ANXA8: variants seen among roughly 807,000 people sequenced by gnomAD.
ANXA8 encodes VAC-beta.
ANXA8 carries 9 observed loss-of-function variants against 26.8 expected under a neutral mutation model. The ratio of observed to expected loss-of-function variants is 0.34; its 90% CI spans 0.20 to 0.59. ANXA8 has a LOEUF of 0.59. Among genes scored for constraint, ANXA8 ranks in the 20% least tolerant of loss-of-function variants. The pLI is 0.84. For synonymous variants in ANXA8, 39 were observed against 94.8 expected, an observed-to-expected ratio of 0.41 and a Z score of 3.42; for missense variants, 83 against 238.5, an observed-to-expected ratio of 0.35 and a Z score of 4.29.
the ANXA8 span, among the ~76,000 whole-genome samples, chr10:47,954,731 T>A: frequency 1.3e-5 from 2 of 150,830 alleles, no homozygotes; most frequent in African/African-American, 4.9e-5. Flanking sequence ...CTCCTAGGTA[T>A]TTATTTATTC....
the ANXA8 span, among the ~76,000 whole-genome samples, chr10:47,685,362 GA>G: frequency 7.3e-6 from 1 of 136,150 alleles, no homozygotes; most frequent in South Asian, 2.3e-4. Context: ...AAAAAAAAAA[GA>G]AAAAGAAAAA....
the ANXA8 span, among the ~76,000 whole-genome samples, chr10:47,664,612 A>G: frequency 1.3e-5 from 2 of 151,106 alleles, no homozygotes; most frequent in African/African-American, 2.4e-5. Flanking sequence ...AATTTTTGCA[A>G]TTTTTTTGGT....
At chr10:47,525,224 A>G in the ANXA8 span, among the ~76,000 whole-genome samples, 1 of 108,660 alleles carries the variant, frequency 9.2e-6, no homozygotes, top group Non-Finnish European at 1.8e-5. Flanking sequence ...TAGCTAATGT[A>G]GTGAAATCCT....
chr10:47,571,553 AAATTTC>A, the ANXA8 span, among the ~76,000 whole-genome samples: 3 of 149,284 alleles, frequency 2.0e-5, no homozygotes, highest in Admixed American at 1.3e-4. Context: ...ATCAGCTTGT[AAATTTC>A]TACAAAACAA....
At chr10:47,960,591 A>G in the ANXA8 span, among the ~76,000 whole-genome samples, 1 of 149,740 alleles carries the variant, frequency 6.7e-6, no homozygotes, top group Non-Finnish European at 1.5e-5. Flanking sequence ...TTTTACGTAA[A>G]TTTTTACTGA....
the ANXA8 span, among the ~76,000 whole-genome samples, chr10:47,651,552 A>G: frequency 1.2e-3 from 188 of 150,630 alleles, 1 homozygote; most frequent in Admixed American, 2.6e-3. Context: ...TCATAATTGT[A>G]AAAGAGTGGG....
chr10:47,709,492 C>G, the ANXA8 span, among the ~76,000 whole-genome samples: 19 of 150,170 alleles, frequency 1.3e-4, no homozygotes, highest in Non-Finnish European at 2.5e-4. Flanking sequence ...GAAACTATAC[C>G]TTAATAAAAA....
At chr10:47,596,967 C>T in the ANXA8 span, among the ~76,000 whole-genome samples, 8 of 148,290 alleles carry the variant, frequency 5.4e-5, no homozygotes, top group Non-Finnish European at 1.2e-4. Context: ...AAACAAAACC[C>T]TAGGCCAATA....
chr10:47,706,036 C>A, the ANXA8 span, among the ~76,000 whole-genome samples: 1 of 152,086 alleles, frequency 6.6e-6, no homozygotes, highest in Admixed American at 6.5e-5. Context: ...GCGGTCGGTT[C>A]CGGGCGGTTG....
At chr10:47,554,463 G>T in the ANXA8 span, among the ~76,000 whole-genome samples, 6,876 of 150,646 alleles carry the variant, frequency 0.046, 216 homozygotes, top group East Asian at 0.17. Flanking sequence ...GTAGCATCTT[G>T]CCATTTTCTT....
At chr10:47,974,776 A>C in the ANXA8 span, among the ~76,000 whole-genome samples, 1 of 148,946 alleles carries the variant, frequency 6.7e-6, no homozygotes, top group Non-Finnish European at 1.5e-5. Context: ...GTATAATTTC[A>C]ATTTTTTAAA....
the ANXA8 span, among the ~76,000 whole-genome samples, chr10:47,673,468 T>C: frequency 6.7e-6 from 1 of 149,296 alleles, no homozygotes; most frequent in Admixed American, 6.7e-5. Flanking sequence ...GAAACTGCTC[T>C]AATTCATTTC....
the ANXA8 span, among the ~76,000 whole-genome samples, chr10:47,675,396 A>ATACT: frequency 6.6e-6 from 1 of 151,546 alleles, no homozygotes; most frequent in Non-Finnish European, 1.5e-5. Context: ...GTATACATGT[A>ATACT]AGGTACTCCC....
At chr10:47,631,486 G>C in the ANXA8 span, among the ~76,000 whole-genome samples, 1 of 150,554 alleles carries the variant, frequency 6.6e-6, no homozygotes, top group Non-Finnish European at 1.5e-5. Flanking sequence ...CTCAAATTCA[G>C]CTGCACATTA....
chr10:47,680,134 AC>A, the ANXA8 span, among the ~76,000 whole-genome samples: 2 of 151,328 alleles, frequency 1.3e-5, no homozygotes, highest in South Asian at 4.2e-4. Context: ...ATGCCACCAC[AC>A]CCAGCTAATT....
At chr10:47,647,412 T>G in the ANXA8 span, among the ~76,000 whole-genome samples, 9 of 150,822 alleles carry the variant, frequency 6.0e-5, no homozygotes, top group Non-Finnish European at 1.3e-4. Flanking sequence ...TTTAATGCTC[T>G]AAACAATGTT....
At chr10:47,566,178 T>G in the ANXA8 span, among the ~76,000 whole-genome samples, 1 of 152,104 alleles carries the variant, frequency 6.6e-6, no homozygotes, top group South Asian at 2.1e-4. Context: ...TGGCACTGAT[T>G]TGGCAACAGT....
chr10:47,733,301 T>TCTTTCTCTCTCCCTCTCCC, the ANXA8 span, among the ~76,000 whole-genome samples: 1 of 126,590 alleles, frequency 7.9e-6, no homozygotes, highest in Non-Finnish European at 1.6e-5. Flanking sequence ...CTTTCTTTTT[T>TCTTTCTCTCTCCCTCTCCC]TTCTTTCTCT....
chr10:47,664,361 A>T, the ANXA8 span, among the ~76,000 whole-genome samples: 1 of 151,978 alleles, frequency 6.6e-6, no homozygotes, highest in African/African-American at 2.4e-5. Context: ...CTGGGTGACA[A>T]GAGTGAAACT....
Sources: allele counts gnomAD v4.1 joint callset (sites outside exome capture counted in the v4.1 genomes callset), GRCh38; gene constraint gnomAD v4.1.1; transcripts MANE v1.5; gene names NCBI Gene and HGNC (gene_info 2026-07-23, HGNC 2026-07-21).